Variants in LMO2 observed in about 807,000 individuals in gnomAD.
The protein encoded by LMO2 is LIM domain only 2, also known as rhombotin-2.
In LMO2, 20 loss-of-function variants were observed where a neutral mutation model predicts 23.2. The ratio of observed to expected loss-of-function variants is 0.86; its 90% CI spans 0.61 to 1.25. The LOEUF (loss-of-function observed/expected upper bound fraction) is 1.25, where lower values mean the gene tolerates loss of function less well. LMO2 is among the 50% of genes most tolerant of loss of function. The probability of loss-of-function intolerance (pLI) is 0.00; values close to 1 mark genes in which losing one functional copy is unlikely to be tolerated. For missense variants in LMO2, 270 were observed against 315.3 expected, an observed-to-expected ratio of 0.86 and a Z score of 1.09; for synonymous variants, 123 against 130.2, an observed-to-expected ratio of 0.94 and a Z score of 0.38.
chr11:33,863,366 C>CTT (rs576883064), intron 5 of LMO2, among the ~76,000 whole-genome samples: 107 of 152,320 alleles, frequency 7.0e-4, no homozygotes, highest in African/African-American at 2.5e-3. Flanking sequence ...TTCTAACAGT[C>CTT]TTTAGGTAAA....
chr11:33,876,647 C>A (rs1303961745), intron 2 of LMO2, among the ~76,000 whole-genome samples: 1 of 152,136 alleles, frequency 6.6e-6, no homozygotes, highest in Non-Finnish European at 1.5e-5. Flanking sequence ...CAGGTGGTGT[C>A]TGGAATTAAC....
At chr11:33,870,677 A>C in intron 2 of LMO2, 1 of 672,594 alleles carries the variant, frequency 1.5e-6, no homozygotes, top group East Asian at 1.4e-4. Context: ...CTCCCTCTGC[A>C]CCTTTCAGAA....
intron 1 of LMO2, among the ~76,000 whole-genome samples, chr11:33,890,023 T>C (rs896416392): frequency 6.6e-6 from 1 of 152,224 alleles, no homozygotes; most frequent in Non-Finnish European, 1.5e-5. Flanking sequence ...GCTGTTATCT[T>C]AAGTTAAAAA....
In LMO2 at chr11:33,865,727, T is replaced by C. The variant is rs563086333; in HGVS notation, c.249-910A>G. On this transcript the variant is annotated intron_variant, in intron 4 of 5. Transcript: ENST00000257818. ...GCAATTGTTAATAGGCTGTGACACG[T>C]GTTCTTTCGTTAATACGCCATGCAT... is the stretch of plus-strand genomic sequence containing the variant. Among the ~76,000 whole-genome samples the C allele has an allele frequency of 7.2e-5, 11 of 152,366 alleles. No homozygotes were observed. In the East Asian group the frequency reaches 1.7e-3, roughly 24 times the overall value.
At chr11:33,871,654 A>G (rs1857026811) in intron 2 of LMO2, among the ~76,000 whole-genome samples, 1 of 148,738 alleles carries the variant, frequency 6.7e-6, no homozygotes, top group South Asian at 2.1e-4. Flanking sequence ...CTTAGAATTT[A>G]GGCAAGCCTA....
At chr11:33,866,270 CAG>C (rs1361444252) in intron 4 of LMO2, among the ~76,000 whole-genome samples, 2 of 152,158 alleles carry the variant, frequency 1.3e-5, no homozygotes, top group Admixed American at 6.5e-5. Flanking sequence ...TTTCTAGACA[CAG>C]TGTAACAGCA....
At position 33,886,702 on chromosome 11, in the gene LMO2, G is replaced by A. The variant is rs911816; in HGVS notation, c.-335-4815C>T. On this transcript the variant is annotated intron_variant, in intron 1 of 5. Coordinates refer to ENST00000257818, the MANE Select transcript of LMO2 (RefSeq NM_005574.4). The stretch of plus-strand genomic sequence containing the variant: ...AGTGGCTGTCTGTGCTTTGGCATCC[G>A]TGGTGGGGAATAGACAGCCTCAGGC... 4.6e-5 allele frequency among the ~76,000 whole-genome samples: 7 copies of A among 152,194 alleles called. No individual in the cohort carries two copies. In the East Asian group the frequency reaches 7.7e-4, roughly 17 times the overall value.
intron 5 of LMO2, among the ~76,000 whole-genome samples, chr11:33,861,929 A>T (rs956707977): frequency 6.6e-6 from 1 of 152,160 alleles, no homozygotes; most frequent in Non-Finnish European, 1.5e-5. Flanking sequence ...GAACTGAAAA[A>T]GAAGGTCTCT....
At chr11:33,869,608 A>AGC in intron 3 of LMO2, 22 bp from the exon 4 acceptor site, 8 of 1,272,406 alleles carry the variant, frequency 6.3e-6, no homozygotes, top group Middle Eastern at 2.3e-4. Context: ...AAAGAGAGAG[A>AGC]GCGAATCACC....
intron 2 of LMO2, chr11:33,881,205 G>A (rs1485547866): frequency 2.2e-6 from 1 of 457,118 alleles, no homozygotes; most frequent in East Asian, 6.9e-5. Flanking sequence ...CCGTGGGCCT[G>A]CTGACTCCTC....
intron 5 of LMO2, among the ~76,000 whole-genome samples, chr11:33,861,523 T>C (rs1012143243): frequency 8.5e-5 from 13 of 152,182 alleles, no homozygotes; most frequent in Admixed American, 8.5e-4. Flanking sequence ...GGGAGCAAAC[T>C]CATTACTGGG....
chr11:33,885,753 G>T (rs1389236610), intron 1 of LMO2, among the ~76,000 whole-genome samples: 1 of 152,204 alleles, frequency 6.6e-6, no homozygotes, highest in East Asian at 1.9e-4. Context: ...GAAGCTGTTT[G>T]TGCTCCAGCA....
rs1565034799 is a variant in LMO2 at position 33,880,285 on chromosome 11, C to CATATATACATATGAT, written c.-272+1538_-272+1539insATCATATGTATATAT. Among the ~76,000 whole-genome samples, 1 of 53,592 alleles carries CATATATACATATGAT rather than the reference C, an allele frequency of 1.9e-5. No individual in the cohort carries two copies. The highest frequency in any genetic ancestry group is 7.8e-5 in the African/African-American group (1 of 12,870). 35.2% of individuals were successfully genotyped at this position (53,592 alleles called of 152,430 possible). A position where few individuals can be genotyped will look rare whatever the true frequency, so the allele number is the denominator to read the frequency against. Reference sequence around the variant, plus strand: ...TATCATACATACACATGATATATATCATATATATCATATATATACATATCA... The same window carrying CATATATACATATGAT: ...TATCATACATACACATGATATATATCATATATACATATGATATATATATCATATATATACATATCA... On this transcript the variant is annotated intron_variant, in intron 2 of 5. Transcript: ENST00000257818. The surrounding 1 kb of genome is among the most constrained non-coding windows in gnomAD (Gnocchi z 4.3).
chr11:33,891,933 C>T lies in LMO2; in HGVS notation c.-474G>A, dbSNP rs907786180. The T allele has an allele frequency of 1.3e-5, 2 of 152,310 alleles. No homozygotes were observed. Among genetic ancestry groups the T allele is most frequent in the African/African-American group, 4.8e-5 (2 of 41,454 alleles). 9.4% of individuals were successfully genotyped at this position (152,310 alleles called of 1,614,324 possible). On this transcript the variant is annotated 5_prime_UTR_variant, in exon 1 of 6. An upstream start codon of the reference 5' UTR is lost. Transcript: ENST00000257818. ...GCACCCTAGCACCTGGTGCCTGTGCCATCTCCCCTCTCTGCCAGGACACCC... is the reference window on the plus strand; with the variant it reads ...GCACCCTAGCACCTGGTGCCTGTGCTATCTCCCCTCTCTGCCAGGACACCC...
chr11:33,866,477 A>G (rs563844058), intron 4 of LMO2, among the ~76,000 whole-genome samples: 1 of 152,266 alleles, frequency 6.6e-6, no homozygotes, highest in East Asian at 1.9e-4. Context: ...TCTACAAAAC[A>G]TATAAAAAAT....
Position 33,859,383 on chromosome 11 carries a change from C to T in LMO2, c.657G>A (p.Glu219=), listed in dbSNP as rs1188961250. ...ATATCATCCCATTGATCTTAGTCCA[C>T]TCGTAGATGTCCTGTTCGCACACTA... ...SDIVCEQDIY[E]WTKINGMI Residue 219 remains glutamate, a synonymous_variant, in exon 6 of 6, where the codon GAG becomes GAA. Coordinates refer to ENST00000257818, the MANE Select transcript of LMO2 (RefSeq NM_005574.4). 3 of 1,614,052 alleles carry T rather than the reference C, an allele frequency of 1.9e-6. No individual in the cohort carries two copies.
In LMO2 at chr11:33,879,308, C is replaced by T. The variant is rs1857207450; in HGVS notation, c.-272+2516G>A. Among the ~76,000 whole-genome samples the T allele has an allele frequency of 2.0e-5, 3 of 152,122 alleles. No individual in the cohort carries two copies. The South Asian group carries it at 6.2e-4, about 32-fold the overall frequency. ...AATAATATATTTACAAATCATATAT[C>T]TGATAAGAGATTAAGATCTAGAACA... On this transcript the variant is annotated intron_variant, in intron 2 of 5. Coordinates refer to ENST00000257818, the MANE Select transcript of LMO2 (RefSeq NM_005574.4).
Position 33,859,497 on chromosome 11 carries a change from G to T in LMO2, c.543C>A (p.Asp181Glu), listed in dbSNP as rs9282777. ...TGAAACATTCCAGGTGATACACTTT[G>T]TCTTTCACCCGCATTGTCATCTCAT... ...RAYEMTMRVK[D>E]KVYHLECFKC... Residue 181 changes from aspartate to glutamate, a missense_variant, in exon 6 of 6, where the codon GAC becomes GAA. Around this residue, in one of 2 missense-constraint regions of LMO2, gnomAD observed 100 missense variants for 153.3 expected, o/e 0.65. Coordinates refer to ENST00000257818, the MANE Select transcript of LMO2 (RefSeq NM_005574.4). 1.2e-6 allele frequency: 2 copies of T among 1,613,988 alleles called. No individual in the cohort carries two copies. Among genetic ancestry groups the T allele is most frequent in the African/African-American group, 2.7e-5 (2 of 74,912 alleles).
Position 33,859,560 on chromosome 11 carries a change from G to C in LMO2, c.480C>G (p.Asp160Glu), listed in dbSNP as rs777714528. ...RRDYLRLFGQ[D>E]GLCASCDKRI... ...GCTTGTCACAGGATGCGCAGAGACCGTCTTGCCCAAAAAGCCTGGGGCAAA... is the reference window on the plus strand; with the variant it reads ...GCTTGTCACAGGATGCGCAGAGACCCTCTTGCCCAAAAAGCCTGGGGCAAA... The change falls in exon 6 of 6, where the codon GAC (aspartate) becomes GAG (glutamate). Residue 160 changes from aspartate to glutamate, a missense_variant. Asp to Glu is a conservative substitution (Grantham distance 45). Coordinates refer to ENST00000257818, the MANE Select transcript of LMO2 (RefSeq NM_005574.4). 3 of 1,613,958 alleles carry C rather than the reference G, an allele frequency of 1.9e-6. No homozygotes were observed. The African/African-American group carries it at 4.0e-5, about 22-fold the overall frequency.
Sources: allele counts gnomAD v4.1 joint callset (sites outside exome capture counted in the v4.1 genomes callset), GRCh38; gene constraint gnomAD v4.1.1; regional missense constraint gnomAD v4.1.1; non-coding constraint Gnocchi (gnomAD v3.1); transcripts MANE v1.5; gene names NCBI Gene and HGNC (gene_info 2026-07-23, HGNC 2026-07-21).